The following JAK1 variants were observed in gnomAD, a reference collection of about 807,000 sequenced individuals.
The protein encoded by JAK1 is tyrosine-protein kinase JAK1.
A neutral mutation model predicts 136.6 loss-of-function variants in JAK1; 16 were observed. The observed-to-expected ratio is 0.12, with a 90% CI of 0.08 to 0.18. JAK1 has a LOEUF of 0.18. JAK1 is among the 10% of genes least tolerant of loss of function. The probability of loss-of-function intolerance (pLI) is 1.00; values close to 1 mark genes in which losing one functional copy is unlikely to be tolerated. For missense variants in JAK1, 859 were observed against 1,450.1 expected (o/e 0.59, Z 6.62); for synonymous variants, 492 against 519.5 (o/e 0.95, Z 0.72).
chr1:64,858,985 C>T (rs967426935), intron 9 of JAK1, among the ~76,000 whole-genome samples: 3 of 152,176 alleles, frequency 2.0e-5, no homozygotes, highest in Admixed American at 6.5e-5. Context: ...TGCCTGGGCC[C>T]TGAAGCACAA....
chr1:64,838,917 G>T lies in JAK1; in HGVS notation c.2843-328C>A, dbSNP rs1182329906. Among the ~76,000 whole-genome samples the T allele has an allele frequency of 2.6e-5, 4 of 151,970 alleles. No individual in the cohort carries two copies. The East Asian group carries it at 7.7e-4, about 29-fold the overall frequency. ...TCCCAGCACTTTGGGAGGCCGAGGC[G>T]GGCGGATCACGAGGTCAGGAGATCG... On this transcript the variant is annotated intron_variant, in intron 20 of 24. Coordinates refer to ENST00000342505, the MANE Select transcript of JAK1 (RefSeq NM_002227.4).
intron 2 of JAK1, chr1:64,985,647 A>G: frequency 1.3e-6 from 1 of 746,684 alleles, no homozygotes; most frequent in Non-Finnish European, 2.4e-6. Flanking sequence ...GACACCTTGC[A>G]GGCCAATAGG....
rs567359068 is a variant in JAK1, at chr1:64,950,897, G to A, written c.-78+15436C>T. On this transcript the variant is annotated intron_variant, in intron 1 of 24. Transcript: ENST00000342505. ...GGTGGCCCAGACAGGTCTTAGGCAA[G>A]TCACTTAAACACTCTGATTCCTTTA... Among the ~76,000 whole-genome samples the A allele has an allele frequency of 7.9e-5, 12 of 152,314 alleles. No homozygotes were observed. In the East Asian group the frequency reaches 2.3e-3, roughly 29 times the overall value.
intron 3 of JAK1, among the ~76,000 whole-genome samples, chr1:64,881,863 G>T (rs924388742): frequency 6.6e-6 from 1 of 152,096 alleles, no homozygotes; most frequent in African/African-American, 2.4e-5. Context: ...TATACCTGCT[G>T]TGCTGATGGC....
chr1:64,969,201 G>GT (rs112904048), upstream of JAK1, among the ~76,000 whole-genome samples: 721 of 145,826 alleles, frequency 4.9e-3, 4 homozygotes, highest in African/African-American at 0.015. Context: ...AAAATAGTGG[G>GT]TTTTTTTTTT....
intron 2 of JAK1, among the ~76,000 whole-genome samples, chr1:65,013,395 A>G (rs1000575930): frequency 3.9e-4 from 56 of 142,990 alleles, no homozygotes; most frequent in African/African-American, 1.3e-3. Flanking sequence ...GACTCTGTCT[A>G]AAAAAAAAAA....
At position 64,873,490 on chromosome 1, in the gene JAK1, G is replaced by A; in HGVS notation, c.363C>T (p.Asp121=). The change falls in exon 5 of 25, where the codon GAC becomes GAT. Residue 121 remains aspartate (D), a synonymous_variant. Coordinates refer to ENST00000342505, the MANE Select transcript of JAK1 (RefSeq NM_002227.4). ...FYFTNWHGTN[D]NEQSVWRHSP... ...AATGACGCCACACTGACTGCTCATTGTCGTTGGTTCCATGCCAATTGGTGA... is the reference window on the plus strand; with the variant it reads ...AATGACGCCACACTGACTGCTCATTATCGTTGGTTCCATGCCAATTGGTGA... 1 of 1,614,172 alleles carries A rather than the reference G, an allele frequency of 6.2e-7. No individual in the cohort carries two copies. The highest frequency in any genetic ancestry group is 1.6e-4 in the Middle Eastern group (1 of 6,062).
At chr1:64,946,239 C>G (rs1190894154) in intron 1 of JAK1, among the ~76,000 whole-genome samples, 1 of 152,188 alleles carries the variant, frequency 6.6e-6, no homozygotes, top group Non-Finnish European at 1.5e-5. Flanking sequence ...CTTCTATTCC[C>G]CTGGAAGAAT....
rs1654289407 is a variant in JAK1, at chr1:64,833,752, A to G, written c.*810T>C. 1 of 232,978 alleles carries G rather than the reference A, an allele frequency of 4.3e-6. No individual in the cohort carries two copies. Among genetic ancestry groups the G allele is most frequent in the Non-Finnish European group, 8.5e-6 (1 of 117,922 alleles). 14.4% of individuals were successfully genotyped at this position (232,978 alleles called of 1,614,324 possible). ...CTTGCCCCAAAGTGGTAGAGTTATAAAAGGATATACATTGACGTTTCTTAA... is the reference window on the plus strand; with the variant it reads ...CTTGCCCCAAAGTGGTAGAGTTATAGAAGGATATACATTGACGTTTCTTAA... On this transcript the variant is annotated 3_prime_UTR_variant, in exon 25 of 25. Coordinates refer to ENST00000342505, the MANE Select transcript of JAK1 (RefSeq NM_002227.4).
intron 11 of JAK1, among the ~76,000 whole-genome samples, chr1:64,851,606 G>C (rs912156169): frequency 3.9e-5 from 6 of 152,166 alleles, no homozygotes; most frequent in African/African-American, 1.4e-4. Flanking sequence ...AGATTCTACT[G>C]ATTCAAACAG....
intron 2 of JAK1, among the ~76,000 whole-genome samples, chr1:64,986,816 G>T (rs1040492877): frequency 2.0e-5 from 3 of 151,996 alleles, no homozygotes; most frequent in Non-Finnish European, 4.4e-5. Context: ...AGGCTGCAGT[G>T]AGCCATGATT....
intron 19 of JAK1, among the ~76,000 whole-genome samples, chr1:64,840,820 G>A (rs1192283469): frequency 6.6e-6 from 1 of 152,056 alleles, no homozygotes; most frequent in Non-Finnish European, 1.5e-5. Flanking sequence ...CACAGAGCGA[G>A]ACCCTGTCTC....
rs562942074 is a variant in JAK1 at position 64,833,553 on chromosome 1, A to C, written c.*1009T>G. On this transcript the variant is annotated 3_prime_UTR_variant, in exon 25 of 25. Transcript: ENST00000342505. ...AACTGTCTAGTGGATCCTGAAGTCCATAGTGCCTCTAGCCGGGTCTTTCAA... is the reference window on the plus strand; with the variant it reads ...AACTGTCTAGTGGATCCTGAAGTCCCTAGTGCCTCTAGCCGGGTCTTTCAA... 104 of 233,066 alleles carry C rather than the reference A, an allele frequency of 4.5e-4. No homozygotes were observed. Among genetic ancestry groups the C allele is most frequent in the South Asian group, 1.4e-3 (8 of 5,526 alleles). The allele number at this position is 233,066 out of a possible 1,614,324, so 14.4% of individuals were successfully genotyped here. A position where few individuals can be genotyped will look rare whatever the true frequency, so the allele number is the denominator to read the frequency against.
intron 2 of JAK1, among the ~76,000 whole-genome samples, chr1:64,995,939 A>T (rs576695813): frequency 6.6e-6 from 1 of 152,040 alleles, no homozygotes; most frequent in Non-Finnish European, 1.5e-5. Context: ...AGGTTTTGCC[A>T]TATTGTCTAG....
intron 1 of JAK1, among the ~76,000 whole-genome samples, chr1:64,916,753 G>A (rs1826869): frequency 0.14 from 20,643 of 151,492 alleles, 1,577 homozygotes; most frequent in East Asian, 0.27. Flanking sequence ...TGGGAGAATC[G>A]CTTGAACCGG....
chr1:65,024,394 T>A (rs1289422422), intron 2 of JAK1, among the ~76,000 whole-genome samples: 1 of 152,210 alleles, frequency 6.6e-6, no homozygotes, highest in Non-Finnish European at 1.5e-5. Flanking sequence ...TGGCTACTTG[T>A]ACACCTTCTT....
rs1375851385 is a variant in JAK1, at chr1:64,833,230, A to AC, written c.*1331_*1332insG. ...TTAATATTAAAAGGCATATGCATGT[A>AC]AAGTCTTTAGTATATTTATTTGTAT... On this transcript the variant is annotated 3_prime_UTR_variant, in exon 25 of 25. Coordinates refer to ENST00000342505, the MANE Select transcript of JAK1 (RefSeq NM_002227.4). 4 of 218,912 alleles carry AC rather than the reference A, an allele frequency of 1.8e-5. No individual in the cohort carries two copies. The highest frequency in any genetic ancestry group is 3.7e-5 in the Non-Finnish European group (4 of 108,778). 13.6% of individuals were successfully genotyped at this position (218,912 alleles called of 1,614,324 possible).
Position 65,020,960 on chromosome 1 carries a change from T to C in JAK1, c.-78+23520A>G, listed in dbSNP as rs1312062626. Among the ~76,000 whole-genome samples the C allele has an allele frequency of 2.0e-5, 3 of 152,122 alleles. No homozygotes were observed. The East Asian group carries it at 5.8e-4, about 29-fold the overall frequency. On this transcript the variant is annotated intron_variant, in intron 2 of 25. Coordinates refer to the JAK1 transcript ENST00000671954. Reference sequence around the variant, plus strand: ...GTGGAGAGAGCTACTCAACTTGAGCTATGACCTCTAGTGGAAAGACAGAGC... The same window carrying C: ...GTGGAGAGAGCTACTCAACTTGAGCCATGACCTCTAGTGGAAAGACAGAGC...
chr1:64,977,841 G>A (rs1435374565), intron 2 of JAK1, among the ~76,000 whole-genome samples: 6 of 152,136 alleles, frequency 3.9e-5, no homozygotes, highest in African/African-American at 1.4e-4. Flanking sequence ...ATTTAATCCT[G>A]GCTTCCCTAC....
Sources: allele counts gnomAD v4.1 joint callset (sites outside exome capture counted in the v4.1 genomes callset), GRCh38; gene constraint gnomAD v4.1.1; transcripts MANE v1.5; gene names NCBI Gene and HGNC (gene_info 2026-07-23, HGNC 2026-07-21).